The following RANBP2 variants were observed in gnomAD, a reference collection of about 807,000 sequenced individuals.
The protein encoded by RANBP2 is E3 SUMO-protein ligase RanBP2.
RANBP2 carries 57 observed loss-of-function variants against 303.6 expected under a neutral mutation model. The observed-to-expected ratio is 0.19, with a 90% CI of 0.15 to 0.23. The LOEUF is 0.23. RANBP2 is among the 10% of genes least tolerant of loss of function. RANBP2 has a pLI of 1.00. For synonymous variants in RANBP2, 1,167 were observed against 1,301.5 expected (o/e 0.90, Z 2.23); for missense variants, 3,138 against 3,780.8 (o/e 0.83, Z 4.46).
At chr2:108,875,678 T>C in the RANBP2 span, among the ~76,000 whole-genome samples, 1 of 152,066 alleles carries the variant, frequency 6.6e-6, no homozygotes, top group South Asian at 2.1e-4. Context: ...AGCAACATAG[T>C]GACACCCTGT....
the RANBP2 span, among the ~76,000 whole-genome samples, chr2:108,861,949 T>C: frequency 1.3e-5 from 2 of 152,294 alleles, no homozygotes. Flanking sequence ...ATTTTGTTGT[T>C]TACCCAAAAG....
At chr2:108,832,465 G>A in the RANBP2 span, among the ~76,000 whole-genome samples, 42 of 147,918 alleles carry the variant, frequency 2.8e-4, no homozygotes, top group South Asian at 4.3e-4. Flanking sequence ...CTCCTGCCTC[G>A]GCCTCCCAAG....
the RANBP2 span, among the ~76,000 whole-genome samples, chr2:109,520,373 C>T: frequency 6.6e-6 from 1 of 151,832 alleles, no homozygotes; most frequent in African/African-American, 2.4e-5. Context: ...GAGGCTGAGA[C>T]AGGCAGATCA....
chr2:109,075,025 CAAAAAAAAAAAAAAAA>C, the RANBP2 span, among the ~76,000 whole-genome samples: 1,288 of 44,820 alleles, frequency 0.029, 89 homozygotes, highest in South Asian at 0.13. Context: ...GTCTCCATCT[CAAAAAAAAAAAAAAAA>C]AAAAAAAAGA....
intron 1 of RANBP2, among the ~76,000 whole-genome samples, chr2:108,727,624 G>A (rs919293938): frequency 3.5e-4 from 24 of 69,400 alleles, no homozygotes; most frequent in Non-Finnish European, 7.0e-4. Flanking sequence ...TTTTTTTTTT[G>A]AGATGGAATC....
chr2:109,103,631 A>G, the RANBP2 span, among the ~76,000 whole-genome samples: 136 of 152,308 alleles, frequency 8.9e-4, no homozygotes, highest in African/African-American at 3.0e-3. Context: ...TTCTTGTTAC[A>G]TAGGTGAAAT....
chr2:109,516,382 G>T, the RANBP2 span, among the ~76,000 whole-genome samples: 35 of 152,354 alleles, frequency 2.3e-4, no homozygotes, highest in South Asian at 6.8e-3. Context: ...AGGCTTAAGG[G>T]TTTGTAAATG....
At chr2:109,249,461 C>T in the RANBP2 span, among the ~76,000 whole-genome samples, 1 of 137,538 alleles carries the variant, frequency 7.3e-6, no homozygotes, top group Non-Finnish European at 1.6e-5. Flanking sequence ...CTCTCTTTCT[C>T]TCTTTCTCTT....
the RANBP2 span, among the ~76,000 whole-genome samples, chr2:108,822,339 A>G: frequency 6.6e-5 from 10 of 152,232 alleles, no homozygotes; most frequent in Admixed American, 5.2e-4. Context: ...AAGAAATAGT[A>G]ACATAATACT....
chr2:109,130,139 GC>G, the RANBP2 span: 1 of 1,282,294 alleles, frequency 7.8e-7, no homozygotes, highest in South Asian at 2.6e-5. Flanking sequence ...GGCGGAAGTG[GC>G]CACGGCACGT....
chr2:109,116,962 G>A, the RANBP2 span, among the ~76,000 whole-genome samples: 16 of 152,214 alleles, frequency 1.1e-4, no homozygotes, highest in Non-Finnish European at 2.2e-4. Context: ...CATGAACCTC[G>A]AATGCTGCTG....
chr2:109,719,247 C>T, the RANBP2 span, among the ~76,000 whole-genome samples: 4 of 150,096 alleles, frequency 2.7e-5, no homozygotes, highest in Middle Eastern at 6.9e-3. Context: ...CAGGCATGCA[C>T]CACCACACCC....
At chr2:108,811,070 C>G in the RANBP2 span, among the ~76,000 whole-genome samples, 1 of 148,852 alleles carries the variant, frequency 6.7e-6, no homozygotes, top group Non-Finnish European at 1.5e-5. Flanking sequence ...CCGATTTTAT[C>G]TGTTTGGGTC....
the RANBP2 span, among the ~76,000 whole-genome samples, chr2:109,272,827 G>A: frequency 1.3e-5 from 2 of 152,180 alleles, no homozygotes; most frequent in Non-Finnish European, 2.9e-5. Context: ...CGTCAGGCTT[G>A]GTGTGTGTGG....
At chr2:109,665,546 G>T in the RANBP2 span, 1 of 151,738 alleles carries the variant, frequency 6.6e-6, no homozygotes, top group Non-Finnish European at 1.5e-5. Context: ...TCTCCATGTT[G>T]GTCAGGCTTG....
At chr2:108,987,392 G>A in the RANBP2 span, among the ~76,000 whole-genome samples, 3 of 152,176 alleles carry the variant, frequency 2.0e-5, no homozygotes, top group Non-Finnish European at 4.4e-5. Context: ...TCTGCACTCC[G>A]GAGCAATGTT....
At chr2:109,257,799 G>C in the RANBP2 span, among the ~76,000 whole-genome samples, 1 of 152,158 alleles carries the variant, frequency 6.6e-6, no homozygotes, top group African/African-American at 2.4e-5. Context: ...TTACGGACAG[G>C]AGACAGCCAG....
the RANBP2 span, among the ~76,000 whole-genome samples, chr2:109,070,422 T>C: frequency 6.2e-3 from 941 of 152,280 alleles, 13 homozygotes; most frequent in African/African-American, 0.022. Flanking sequence ...AATCTCGTGT[T>C]GAAATGTGAT....
chr2:109,097,286 G>A, the RANBP2 span, among the ~76,000 whole-genome samples: 36 of 151,498 alleles, frequency 2.4e-4, no homozygotes, highest in Non-Finnish European at 5.3e-4. Context: ...CCTGCTGACA[G>A]AGTGAGACTC....
Sources: gnomAD v4.1 joint callset for allele counts (sites outside exome capture counted in the v4.1 genomes callset) on GRCh38, gnomAD v4.1.1 for gene constraint, MANE v1.5 for transcripts, NCBI Gene and HGNC (gene_info 2026-07-23, HGNC 2026-07-21) for gene names.